The following SCG5 variants were observed in gnomAD, a reference collection of about 807,000 sequenced individuals.
SCG5 encodes neuroendocrine protein 7B2.
Under a neutral mutation model 25.7 loss-of-function variants are expected in SCG5, and 18 were observed. The ratio of observed to expected loss-of-function variants is 0.70; its 90% CI spans 0.48 to 1.04. The LOEUF (loss-of-function observed/expected upper bound fraction) is 1.04. Ranked by LOEUF, SCG5 falls within the 50% of genes least tolerant of loss-of-function variation. The pLI is 0.00. For missense variants in SCG5, 206 were observed against 259.8 expected, an observed-to-expected ratio of 0.79 and a Z score of 1.42; for synonymous variants, 101 against 91.7, an observed-to-expected ratio of 1.10 and a Z score of -0.58.
chr15:32,696,568 T>C lies in SCG5; in HGVS notation c.598T>C (p.Ser200Pro). The change falls in exon 6 of 6, where the codon TCT (serine) becomes CCT (proline). Residue 200 changes from serine (S) to proline (P), a missense_variant. Coordinates refer to ENST00000300175, the MANE Select transcript of SCG5 (RefSeq NM_001144757.3). ...QRLDNVVAKKSVPHFSDEDKD... is the reference protein window; with the variant it reads ...QRLDNVVAKKPVPHFSDEDKD... ...ACTGGATAATGTTGTTGCAAAGAAG[T>C]CTGTCCCCCATTTTTCAGATGAGGA... 6.2e-7 allele frequency: 1 copy of C among 1,613,238 alleles called. No individual in the cohort carries two copies.
Position 32,654,517 on chromosome 15 carries a change from T to G in SCG5, c.226+10699T>G, listed in dbSNP as rs140790486. On this transcript the variant is annotated intron_variant, in intron 2 of 5. Transcript: ENST00000300175. ...CTGTCTGTCCAGCACATCACACTGC[T>G]TCTTTGGCTAGTTGATCTAGTTAAT... is the stretch of plus-strand genomic sequence containing the variant. Among the ~76,000 whole-genome samples the G allele has an allele frequency of 1.2e-4, 19 of 152,352 alleles. No homozygotes were observed. In the East Asian group the frequency reaches 2.7e-3, roughly 22 times the overall value.
chr15:32,654,519 C>A (rs1368316001), intron 2 of SCG5, among the ~76,000 whole-genome samples: 1 of 152,242 alleles, frequency 6.6e-6, no homozygotes, highest in African/African-American at 2.4e-5. Flanking sequence ...CACACTGCTT[C>A]TTTGGCTAGT....
chr15:32,649,064 T>A (rs982022052), intron 2 of SCG5, among the ~76,000 whole-genome samples: 5 of 152,212 alleles, frequency 3.3e-5, no homozygotes, highest in African/African-American at 1.2e-4. Context: ...CCTTTTTTTT[T>A]AAAGCTCCAT....
chr15:32,664,465 CA>C (rs113650592), intron 2 of SCG5, among the ~76,000 whole-genome samples: 6,280 of 152,236 alleles, frequency 0.041, 395 homozygotes, highest in African/African-American at 0.13. Context: ...AAAATAATGA[CA>C]GGTGAAAAAT....
At chr15:32,663,032 A>AATATATATATATAT (rs67571496) in intron 2 of SCG5, among the ~76,000 whole-genome samples, 2 of 79,292 alleles carry the variant, frequency 2.5e-5, no homozygotes, top group Non-Finnish European at 5.1e-5. Flanking sequence ...AAAAAAAAAG[A>AATATATATATATAT]ATATATATAT....
intron 4 of SCG5, among the ~76,000 whole-genome samples, chr15:32,689,863 A>T (rs1242118133): frequency 1.4e-5 from 2 of 141,952 alleles, no homozygotes; most frequent in African/African-American, 2.6e-5. Context: ...TTTTTTTGAG[A>T]CGGAGTCTCG....
At chr15:32,677,246 C>G (rs999184393) in intron 2 of SCG5, among the ~76,000 whole-genome samples, 1 of 152,084 alleles carries the variant, frequency 6.6e-6, no homozygotes. Flanking sequence ...ACAAAACAAG[C>G]GAACAACCAC....
intron 2 of SCG5, among the ~76,000 whole-genome samples, chr15:32,659,598 A>T (rs1228737862): frequency 6.6e-6 from 1 of 152,176 alleles, no homozygotes; most frequent in Non-Finnish European, 1.5e-5. Flanking sequence ...TGCATGAGAC[A>T]GAGGTTATGG....
At chr15:32,659,821 C>T (rs941311999) in intron 2 of SCG5, among the ~76,000 whole-genome samples, 13 of 151,978 alleles carry the variant, frequency 8.6e-5, no homozygotes, top group Middle Eastern at 3.2e-3. Context: ...CTACCTAAGA[C>T]GCCTGGCTCC....
chr15:32,671,103 G>A (rs957028084), intron 2 of SCG5, among the ~76,000 whole-genome samples: 1 of 152,222 alleles, frequency 6.6e-6, no homozygotes, highest in Non-Finnish European at 1.5e-5. Flanking sequence ...TTGGGGTCCA[G>A]TGAGATTGGG....
In SCG5 at chr15:32,696,279, G is replaced by A. The variant is rs112638761; in HGVS notation, c.544-235G>A. Among the ~76,000 whole-genome samples, 2,326 of 152,112 alleles carry A rather than the reference G, an allele frequency of 0.015. 62 individuals carry two copies. Among genetic ancestry groups the A allele is most frequent in the African/African-American group, 0.053 (2,187 of 41,488 alleles). On this transcript the variant is annotated intron_variant, in intron 5 of 5. Coordinates refer to ENST00000300175, the MANE Select transcript of SCG5 (RefSeq NM_001144757.3). ...ACTACAGGCACCCACCACCACGCCC[G>A]GCTAATTTTTTGTATTTTTAGTACA...
At chr15:32,660,812 C>T (rs1025467605) in intron 2 of SCG5, among the ~76,000 whole-genome samples, 10 of 152,296 alleles carry the variant, frequency 6.6e-5, no homozygotes, top group African/African-American at 2.4e-4. Context: ...CAATATTGTA[C>T]AGCCAGTAAT....
intron 2 of SCG5, among the ~76,000 whole-genome samples, chr15:32,675,694 G>C (rs2054518636): frequency 6.6e-6 from 1 of 152,122 alleles, no homozygotes. Context: ...CTAGATCTGG[G>C]CTAGATACTT....
At chr15:32,655,270 T>G (rs893605084) in intron 2 of SCG5, among the ~76,000 whole-genome samples, 9 of 151,396 alleles carry the variant, frequency 5.9e-5, no homozygotes, top group Non-Finnish European at 1.3e-4. Context: ...ATCGTGCCAC[T>G]GCACTCCAGC....
At position 32,682,872 on chromosome 15, in the gene SCG5, A is replaced by G. The variant is rs2054644630; in HGVS notation, c.377-1685A>G. On this transcript the variant is annotated intron_variant, in intron 3 of 5. Coordinates refer to ENST00000300175, the MANE Select transcript of SCG5 (RefSeq NM_001144757.3). ...TAGAGCAGCAGAGCTCAAAGAGTCC[A>G]TCTCAGCCTCAGAGATAGGATGTGA... 2.0e-5 allele frequency among the ~76,000 whole-genome samples: 3 copies of G among 152,186 alleles called. No individual in the cohort carries two copies. In the South Asian group the frequency reaches 6.2e-4, roughly 31 times the overall value.
rs2054731864 is a variant in SCG5, at chr15:32,687,286, G to C, written c.489+2617G>C. On this transcript the variant is annotated intron_variant, in intron 4 of 5. Transcript: ENST00000300175. ...CTCTGTGCTTCCTTCTCGAAACACT[G>C]ACTTGAGTTTCTCTCAGTGTTTCCT... Among the ~76,000 whole-genome samples, 3 of 152,158 alleles carry C rather than the reference G, an allele frequency of 2.0e-5. 1 individual carries two copies. Among genetic ancestry groups the C allele is most frequent in the South Asian group, 4.1e-4 (2 of 4,826 alleles).
chr15:32,679,001 C>G (rs1409924243), intron 2 of SCG5, among the ~76,000 whole-genome samples: 1 of 152,146 alleles, frequency 6.6e-6, no homozygotes, highest in East Asian at 1.9e-4. Context: ...GTGACCTTAT[C>G]TTTTTTCATA....
intron 5 of SCG5, among the ~76,000 whole-genome samples, chr15:32,693,229 T>G (rs925844670): frequency 9.9e-5 from 15 of 152,232 alleles, no homozygotes; most frequent in African/African-American, 3.4e-4. Context: ...CCATTCCTTC[T>G]GCCCTGACTC....
intron 3 of SCG5, among the ~76,000 whole-genome samples, chr15:32,680,740 C>T (rs1238347517): frequency 2.0e-5 from 3 of 152,104 alleles, no homozygotes; most frequent in Non-Finnish European, 4.4e-5. Context: ...AGAAGAGGTT[C>T]AGGAAGAAGC....
Sources: gnomAD v4.1 joint callset for allele counts (sites outside exome capture counted in the v4.1 genomes callset) on GRCh38, gnomAD v4.1.1 for gene constraint, MANE v1.5 for transcripts, NCBI Gene and HGNC (gene_info 2026-07-23, HGNC 2026-07-21) for gene names.